Variants in CCDC86 observed in about 807,000 individuals in gnomAD.
The protein encoded by CCDC86 is coiled-coil domain containing 86, also known as coiled-coil domain-containing protein 86.
CCDC86 carries 28 observed loss-of-function variants against 36.7 expected under a neutral mutation model. The observed-to-expected ratio is 0.76, with a 90% confidence interval of 0.57 to 1.05. The LOEUF (loss-of-function observed/expected upper bound fraction) is 1.05, where lower values mean the gene tolerates loss of function less well. CCDC86 is among the 50% of genes least tolerant of loss of function. CCDC86 has a pLI of 0.00. For missense variants in CCDC86, 453 were observed against 470.2 expected (o/e 0.96, Z 0.34); for synonymous variants, 199 against 203.4 (o/e 0.98, Z 0.18).
chr11:60,843,019 T>C lies in CCDC86; in HGVS notation c.758+137T>C, dbSNP rs1855144215. 2.3e-5 allele frequency: 28 copies of C among 1,198,470 alleles called. No individual in the cohort carries two copies. The South Asian group carries it at 5.0e-4, about 21-fold the overall frequency. 74.2% of individuals were successfully genotyped at this position (1,198,470 alleles called of 1,614,324 possible). A position where few individuals can be genotyped will look rare whatever the true frequency, so the allele number is the denominator to read the frequency against. On this transcript the variant is annotated intron_variant, in intron 1 of 3. Transcript: ENST00000227520. ...AGTGGGGATGTTAGCAAACAGGTAA[T>C]TACAATCAGAATGTGGTAAAATGCC...
Position 60,850,406 on chromosome 11 carries a change from T to C in CCDC86, c.*81T>C. ...CAGGCCGCTGCTCAGATGCCTCTGCTGGAGCTGGCACTCCAAACCCATGGC... is the reference window on the plus strand; with the variant it reads ...CAGGCCGCTGCTCAGATGCCTCTGCCGGAGCTGGCACTCCAAACCCATGGC... On this transcript the variant is annotated 3_prime_UTR_variant, in exon 4 of 4. Transcript: ENST00000227520. The C allele has an allele frequency of 6.5e-7, 1 of 1,529,958 alleles. No homozygotes were observed. 94.8% of individuals were successfully genotyped at this position (1,529,958 alleles called of 1,614,324 possible). A position where few individuals can be genotyped will look rare whatever the true frequency, so the allele number is the denominator to read the frequency against.
At chr11:60,842,950 C>G in intron 1 of CCDC86, 68 bp downstream of exon 1, 3 of 1,502,450 alleles carry the variant, frequency 2.0e-6, no homozygotes, top group Non-Finnish European at 2.7e-6. Flanking sequence ...CTTTGCCCTG[C>G]TGCAGCCTGG....
intron 3 of CCDC86, 81 bp from the exon 4 acceptor site, chr11:60,850,125 T>C: frequency 2.5e-6 from 4 of 1,606,260 alleles, no homozygotes; most frequent in Non-Finnish European, 3.4e-6. Context: ...CTCAGGCCCC[T>C]GTGGGGCGGC....
chr11:60,845,520 G>C (rs948193083), intron 1 of CCDC86, among the ~76,000 whole-genome samples: 8 of 152,370 alleles, frequency 5.3e-5, no homozygotes, highest in African/African-American at 1.9e-4. Context: ...ATCTTTGAGG[G>C]AGCAGCTTCG....
rs1855253897 is a variant in CCDC86, at chr11:60,850,767, T to C, written c.*442T>C. 1 of 162,544 alleles carries C rather than the reference T, an allele frequency of 6.2e-6. No homozygotes were observed. The highest frequency in any genetic ancestry group is 6.1e-5 in the Admixed American group (1 of 16,398). The allele number at this position is 162,544 out of a possible 1,614,324, so 10.1% of individuals were successfully genotyped here. A position where few individuals can be genotyped will look rare whatever the true frequency, so the allele number is the denominator to read the frequency against. ...CTTCCCAAAGGCTGCTCTGAGCACC[T>C]CCACACCCCACTGCCTCTGTCCCCA... On this transcript the variant is annotated 3_prime_UTR_variant, in exon 4 of 4. Transcript: ENST00000227520.
At chr11:60,848,138 G>A (rs778508693) in intron 2 of CCDC86, 85 bp downstream of exon 2, 6 of 1,477,286 alleles carry the variant, frequency 4.1e-6, no homozygotes, top group East Asian at 5.0e-5. Flanking sequence ...GGCCTCCACG[G>A]GTGCCTGGGG....
intron 1 of CCDC86, 103 bp from the exon 2 acceptor site, chr11:60,847,821 T>G: frequency 7.0e-7 from 1 of 1,419,438 alleles, no homozygotes; most frequent in South Asian, 1.4e-5. Context: ...TGGTTCTGCC[T>G]GGGCTCTGGG....
At position 60,847,918 on chromosome 11, in the gene CCDC86, T is replaced by C; in HGVS notation, c.759-6T>C. 6.2e-7 allele frequency: 1 copy of C among 1,609,100 alleles called. No homozygotes were observed. On this transcript the variant is annotated splice_polypyrimidine_tract_variant and splice_region_variant and intron_variant, in intron 1 of 3. Transcript: ENST00000227520. ...ACCCTGTATGCACCCACTCTCCCCC[T>C]TTCAGATTCTCCCAGATGCTTCAGG... is the stretch of plus-strand genomic sequence containing the variant.
At chr11:60,844,694 G>A (rs1331048143) in intron 1 of CCDC86, among the ~76,000 whole-genome samples, 1 of 152,156 alleles carries the variant, frequency 6.6e-6, no homozygotes, top group African/African-American at 2.4e-5. Flanking sequence ...TTATTTATTT[G>A]TGATTCTTAT....
chr11:60,842,680 C>G lies in CCDC86; in HGVS notation c.556C>G (p.Pro186Ala). ...ACTACTGGAGCTGACACCCAGGGCA[C>G]CTGGCTCCCCCCGGGGTCAGCATGA... ...QPLLELTPRA[P>A]GSPRGQHEPS... is the part of the protein sequence containing the mutation. The change falls in exon 1 of 4, where the codon CCT (proline) becomes GCT (alanine). Residue 186 changes from proline to alanine, a missense_variant. Transcript: ENST00000227520. 1 of 1,613,890 alleles carries G rather than the reference C, an allele frequency of 6.2e-7. No individual in the cohort carries two copies. Among genetic ancestry groups the G allele is most frequent in the Non-Finnish European group, 8.5e-7 (1 of 1,179,978 alleles).
chr11:60,849,824 G>A, intron 2 of CCDC86, 116 bp from the exon 3 acceptor site: 1 of 849,234 alleles, frequency 1.2e-6, no homozygotes, highest in Non-Finnish European at 1.9e-6. Flanking sequence ...GAGCCTGGCA[G>A]AGAGGGCCTT....
In CCDC86 at chr11:60,847,789, G is replaced by A. The variant is rs549192336; in HGVS notation, c.759-135G>A. On this transcript the variant is annotated intron_variant, in intron 1 of 3. Coordinates refer to ENST00000227520, the MANE Select transcript of CCDC86 (RefSeq NM_024098.4). ...CAAGTTTCTGCAGCCCTGGAAGGCCGCCTGTCAGGCCAGCAAGGAGGTGGT... is the reference window on the plus strand; with the variant it reads ...CAAGTTTCTGCAGCCCTGGAAGGCCACCTGTCAGGCCAGCAAGGAGGTGGT... 130 of 1,241,534 alleles carry A rather than the reference G, an allele frequency of 1.0e-4. No individual in the cohort carries two copies. In the South Asian group the frequency reaches 1.1e-3, roughly 10 times the overall value. The allele number at this position is 1,241,534 out of a possible 1,614,324, so 76.9% of individuals were successfully genotyped here.
chr11:60,848,975 C>T (rs1215047794), intron 2 of CCDC86, among the ~76,000 whole-genome samples: 1 of 152,218 alleles, frequency 6.6e-6, no homozygotes, highest in East Asian at 1.9e-4. Context: ...TGCCGTCTCA[C>T]TTCTCACCGT....
At chr11:60,843,129 C>T (rs1272997419) in intron 1 of CCDC86, among the ~76,000 whole-genome samples, 1 of 152,254 alleles carries the variant, frequency 6.6e-6, no homozygotes, top group East Asian at 1.9e-4. Flanking sequence ...ATGGGCCTCT[C>T]CTGTAGCACC....
intron 1 of CCDC86, among the ~76,000 whole-genome samples, chr11:60,847,168 C>A (rs923309232): frequency 6.6e-6 from 1 of 151,890 alleles, no homozygotes; most frequent in East Asian, 1.9e-4. Context: ...ACTGCAACCT[C>A]CACCTCCCAG....
In CCDC86 at chr11:60,850,624, T is replaced by G; in HGVS notation, c.*299T>G. On this transcript the variant is annotated 3_prime_UTR_variant, in exon 4 of 4. Coordinates refer to ENST00000227520, the MANE Select transcript of CCDC86 (RefSeq NM_024098.4). The stretch of plus-strand genomic sequence containing the variant: ...AACCAAGAACTGTACATTCTTCTGG[T>G]TCCTCAGTGAGCTGGTGACTGGCAG... 5.5e-6 allele frequency: 2 copies of G among 360,778 alleles called. No individual in the cohort carries two copies. The highest frequency in any genetic ancestry group is 1.0e-5 in the Non-Finnish European group (2 of 196,760). 22.3% of individuals were successfully genotyped at this position (360,778 alleles called of 1,614,324 possible).
rs553982026 is a variant in CCDC86 at position 60,846,865 on chromosome 11, C to T, written c.759-1059C>T. Among the ~76,000 whole-genome samples, 184 of 140,338 alleles carry T rather than the reference C, an allele frequency of 1.3e-3. 3 individuals carry two copies. Among genetic ancestry groups the T allele is most frequent in the African/African-American group, 4.5e-3 (173 of 38,244 alleles). 92.1% of individuals were successfully genotyped at this position (140,338 alleles called of 152,430 possible). ...CTGGGATTACAGGCGTGAGCCACTG[C>T]GCCCGGCTGATCTTTGGCATTTTTT... On this transcript the variant is annotated intron_variant, in intron 1 of 3. Transcript: ENST00000227520.
At chr11:60,842,980 A>G (rs1039744296) in intron 1 of CCDC86, 98 bp downstream of exon 1, 3 of 1,439,632 alleles carry the variant, frequency 2.1e-6, no homozygotes, top group African/African-American at 2.8e-5. Context: ...CCAGGGTTAG[A>G]GAGAGCTCAC....
intron 1 of CCDC86, among the ~76,000 whole-genome samples, chr11:60,843,125 C>A (rs997229879): frequency 7.9e-5 from 12 of 152,202 alleles, no homozygotes; most frequent in Non-Finnish European, 1.8e-4. Flanking sequence ...CCCTATGGGC[C>A]TCTCCTGTAG....
Sources: gnomAD v4.1 joint callset for allele counts (sites outside exome capture counted in the v4.1 genomes callset) on GRCh38, gnomAD v4.1.1 for gene constraint, MANE v1.5 for transcripts, NCBI Gene and HGNC (gene_info 2026-07-23, HGNC 2026-07-21) for gene names.